GSPT1: variants seen among roughly 807,000 people sequenced by gnomAD.
GSPT1 encodes the protein G1 to S phase transition 1.
A neutral mutation model predicts 72.5 loss-of-function variants in GSPT1; 20 were observed. The ratio of observed to expected loss-of-function variants is 0.28; its 90% confidence interval spans 0.19 to 0.40. GSPT1 has a LOEUF of 0.40. GSPT1 is among the 10% of genes least tolerant of loss of function. The pLI, the probability that GSPT1 is intolerant of heterozygous loss-of-function variation, is 1.00. For missense variants in GSPT1, 580 were observed against 811.9 expected (o/e 0.71, Z 3.47); for synonymous variants, 334 against 293.5 (o/e 1.14, Z -1.41).
rs1390056407 is a variant in GSPT1 at position 11,870,502 on chromosome 16, A to G, written c.*2617T>C. 1.3e-5 allele frequency: 2 copies of G among 152,194 alleles called. No homozygotes were observed. The highest frequency in any genetic ancestry group is 1.9e-4 in the East Asian group (1 of 5,198). 9.4% of individuals were successfully genotyped at this position (152,194 alleles called of 1,614,324 possible). ...CCCTAAATATGCAGCCAACTACCCTATTTTTGCACTGTTGACCATATAAGC... is the reference window on the plus strand; with the variant it reads ...CCCTAAATATGCAGCCAACTACCCTGTTTTTGCACTGTTGACCATATAAGC... On this transcript the variant is annotated 3_prime_UTR_variant, in exon 15 of 15. Transcript: ENST00000434724.
rs40311 is a variant in GSPT1, at chr16:11,869,333, G to C, written c.*3786C>G. On this transcript the variant is annotated 3_prime_UTR_variant, in exon 15 of 15. Transcript: ENST00000434724. The stretch of plus-strand genomic sequence containing the variant: ...TGCCATGGCGAGATCTCTCACGAAA[G>C]AAACAAGATCAAGGATGTACTAGAT... 72,274 of 152,082 alleles carry C rather than the reference G, an allele frequency of 0.48. 18,977 individuals carry two copies. Among genetic ancestry groups the C allele is most frequent in the East Asian group, 0.77 (3,967 of 5,180 alleles). The allele number at this position is 152,082 out of a possible 1,614,324, so 9.4% of individuals were successfully genotyped here.
rs200410292 is a variant in GSPT1, at chr16:11,896,743, T to G, written c.479A>C (p.Glu160Ala). The G allele has an allele frequency of 6.2e-7, 1 of 1,600,318 alleles. No individual in the cohort carries two copies. The highest frequency in any genetic ancestry group is 1.1e-5 in the South Asian group (1 of 88,728). Residue 160 changes from glutamate to alanine, a missense_variant, in exon 4 of 15, where the codon GAG becomes GCG. Physicochemically the swap from Glu to Ala is moderately radical, Grantham distance 107. Coordinates refer to ENST00000434724, the MANE Select transcript of GSPT1 (RefSeq NM_002094.4). ...ETEMSPEESW[E>A]HKEEISEAEP... Reference sequence around the variant, plus strand: ...TGCTTCACTTATTTCTTCTTTGTGCTCCCATGATTCTTCTGGAGACATTTC... The same window carrying G: ...TGCTTCACTTATTTCTTCTTTGTGCGCCCATGATTCTTCTGGAGACATTTC...
At chr16:11,909,999 G>A (rs745446499) in intron 1 of GSPT1, among the ~76,000 whole-genome samples, 1 of 152,160 alleles carries the variant, frequency 6.6e-6, no homozygotes, top group Non-Finnish European at 1.5e-5. Context: ...TCAGGAAGCT[G>A]AGGTGAAAGA....
chr16:11,875,559 G>A (rs772001840), intron 14 of GSPT1, among the ~76,000 whole-genome samples: 1 of 152,072 alleles, frequency 6.6e-6, no homozygotes, highest in Non-Finnish European at 1.5e-5. Context: ...TTCACGTAGA[G>A]CATTACTAGA....
chr16:11,892,522 A>AC lies in GSPT1; in HGVS notation c.699-1384dup, dbSNP rs71136696. 9.0e-5 allele frequency among the ~76,000 whole-genome samples: 13 copies of AC among 144,076 alleles called. 2 individuals carry two copies. Among genetic ancestry groups the AC allele is most frequent in the African/African-American group, 3.4e-4 (13 of 37,684 alleles). 94.5% of individuals were successfully genotyped at this position (144,076 alleles called of 152,430 possible). A position where few individuals can be genotyped will look rare whatever the true frequency, so the allele number is the denominator to read the frequency against. ...ACCCTTTCTCAAAAAAACAAAAAAA[A>AC]CAAAAAAAACAAAAAATAAAAAATG... On this transcript the variant is annotated intron_variant, in intron 5 of 14. Coordinates refer to ENST00000434724, the MANE Select transcript of GSPT1 (RefSeq NM_002094.4).
At chr16:11,913,979 GC>G (rs888648962) in intron 1 of GSPT1, among the ~76,000 whole-genome samples, 26 of 152,154 alleles carry the variant, frequency 1.7e-4, no homozygotes, top group African/African-American at 6.3e-4. Flanking sequence ...CCACGAAAGA[GC>G]AAACGGTGAC....
intron 1 of GSPT1, among the ~76,000 whole-genome samples, chr16:11,909,907 G>C (rs1448121554): frequency 1.3e-5 from 2 of 151,732 alleles, no homozygotes; most frequent in Non-Finnish European, 2.9e-5. Context: ...GCCTGTGACA[G>C]AGCGAAACTC....
In GSPT1 at chr16:11,887,425, G is replaced by C. The variant is rs1244999318; in HGVS notation, c.957+145C>G. On this transcript the variant is annotated intron_variant, in intron 7 of 14. Transcript: ENST00000434724. Reference sequence around the variant, plus strand: ...AAATTTTGAAGATTTCTTGAAGAGAGATTAGTATGATGAAAACTGTGACCG... The same window carrying C: ...AAATTTTGAAGATTTCTTGAAGAGACATTAGTATGATGAAAACTGTGACCG... The C allele has an allele frequency of 6.1e-6, 4 of 653,234 alleles. No individual in the cohort carries two copies. The East Asian group carries it at 8.2e-5, about 13-fold the overall frequency. The allele number at this position is 653,234 out of a possible 1,614,324, so 40.5% of individuals were successfully genotyped here. A position where few individuals can be genotyped will look rare whatever the true frequency, so the allele number is the denominator to read the frequency against.
In GSPT1 at chr16:11,875,938, G is replaced by GA; in HGVS notation, c.1693-10dup. On this transcript the variant is annotated splice_polypyrimidine_tract_variant and intron_variant, in intron 13 of 14. Coordinates refer to ENST00000434724, the MANE Select transcript of GSPT1 (RefSeq NM_002094.4). ...ACCAAGCAGATTAAGGCCTAACCAA[G>GA]AAAAGAGTATGAGAAAATCAGAATA... is the stretch of plus-strand genomic sequence containing the variant. The GA allele has an allele frequency of 1.2e-6, 2 of 1,607,460 alleles. No homozygotes were observed. The highest frequency in any genetic ancestry group is 2.2e-5 in the East Asian group (1 of 44,850).
chr16:11,892,940 A>T (rs1391738428), intron 5 of GSPT1, among the ~76,000 whole-genome samples: 1 of 151,786 alleles, frequency 6.6e-6, no homozygotes, highest in Non-Finnish European at 1.5e-5. Context: ...TAATTTCACC[A>T]GTAATAAGGA....
intron 14 of GSPT1, among the ~76,000 whole-genome samples, chr16:11,873,719 C>G (rs1476800640): frequency 6.6e-6 from 1 of 151,898 alleles, no homozygotes; most frequent in Non-Finnish European, 1.5e-5. Flanking sequence ...TCCTGAGTAG[C>G]TGGGAGTATA....
intron 1 of GSPT1, among the ~76,000 whole-genome samples, chr16:11,910,690 T>C (rs747972661): frequency 6.6e-6 from 1 of 152,232 alleles, no homozygotes; most frequent in Non-Finnish European, 1.5e-5. Context: ...AACTTTGTCG[T>C]CTACATTACT....
intron 1 of GSPT1, chr16:11,903,847 TGTCGTA>T (rs1267662295): frequency 6.6e-6 from 1 of 152,352 alleles, no homozygotes; most frequent in African/African-American, 2.4e-5. Flanking sequence ...CATATTCATG[TGTCGTA>T]GTTCAGGAAC....
At chr16:11,900,892 T>G (rs754628895) in intron 1 of GSPT1, among the ~76,000 whole-genome samples, 10 of 152,174 alleles carry the variant, frequency 6.6e-5, no homozygotes, top group Non-Finnish European at 1.5e-4. Context: ...TTGGGCATGG[T>G]GGCTCACACC....
rs1024424185 is a variant in GSPT1, at chr16:11,887,090, A to T, written c.958-159T>A. The T allele has an allele frequency of 4.2e-5, 24 of 578,306 alleles. No individual in the cohort carries two copies. In the African/African-American group the frequency reaches 4.4e-4, roughly 11 times the overall value. 35.8% of individuals were successfully genotyped at this position (578,306 alleles called of 1,614,324 possible). ...TGACGTACCTGCTTTTGAATGTCAC[A>T]AATCAAACAATGTCTAGATGCTTCC... On this transcript the variant is annotated intron_variant, in intron 7 of 14. Coordinates refer to ENST00000434724, the MANE Select transcript of GSPT1 (RefSeq NM_002094.4).
intron 1 of GSPT1, among the ~76,000 whole-genome samples, chr16:11,908,651 T>C (rs1489502998): frequency 2.0e-5 from 2 of 101,242 alleles, no homozygotes; most frequent in African/African-American, 5.4e-5. Flanking sequence ...TCCCAGCTAC[T>C]TGGGAGACTG....
chr16:11,914,223 AG>A (rs1456738880), intron 1 of GSPT1, among the ~76,000 whole-genome samples: 2 of 152,188 alleles, frequency 1.3e-5, no homozygotes, highest in Admixed American at 6.5e-5. Flanking sequence ...TCCTAAAATA[AG>A]CACCATTAGG....
intron 1 of GSPT1, among the ~76,000 whole-genome samples, chr16:11,902,236 G>C: frequency 6.6e-6 from 1 of 151,250 alleles, no homozygotes. Context: ...CAAAAAATTA[G>C]CCGGGCTTGG....
rs66922380 is a variant in GSPT1 at position 11,883,459 on chromosome 16, C to CAAAAAAAAAAAAAAAA, written c.1348-365_1348-364insTTTTTTTTTTTTTTTT. Among the ~76,000 whole-genome samples the CAAAAAAAAAAAAAAAA allele has an allele frequency of 2.7e-4, 18 of 66,466 alleles. 2 individuals are homozygous for CAAAAAAAAAAAAAAAA. The highest frequency in any genetic ancestry group is 5.0e-4 in the East Asian group (1 of 2,006). The allele number at this position is 66,466 out of a possible 152,430, so 43.6% of individuals were successfully genotyped here. A position where few individuals can be genotyped will look rare whatever the true frequency, so the allele number is the denominator to read the frequency against. On this transcript the variant is annotated intron_variant, in intron 10 of 14. Coordinates refer to ENST00000434724, the MANE Select transcript of GSPT1 (RefSeq NM_002094.4). Reference sequence around the variant, plus strand: ...CGAAACCCCATCTCTACTAAAAATACAAAAAAAAAAAAAATTGCCAGGCAC... The same window carrying CAAAAAAAAAAAAAAAA: ...CGAAACCCCATCTCTACTAAAAATACAAAAAAAAAAAAAAAAAAAAAAAAAAAAAATTGCCAGGCAC...
Sources: gnomAD v4.1 joint callset for allele counts (sites outside exome capture counted in the v4.1 genomes callset) on GRCh38, gnomAD v4.1.1 for gene constraint, MANE v1.5 for transcripts, NCBI Gene and HGNC (gene_info 2026-07-23, HGNC 2026-07-21) for gene names.